SMOC1: variants seen among roughly 807,000 people sequenced by gnomAD.
The protein encoded by SMOC1 is SPARC-related modular calcium-binding protein 1.
In SMOC1, 22 loss-of-function variants were observed where a neutral mutation model predicts 56.3. The ratio of observed to expected loss-of-function variants is 0.39; its 90% confidence interval spans 0.28 to 0.56. The LOEUF (loss-of-function observed/expected upper bound fraction) is 0.56. Ranked by LOEUF, SMOC1 falls within the 20% of genes least tolerant of loss-of-function variation. SMOC1 has a pLI of 0.61. For missense variants in SMOC1, 509 were observed against 565.4 expected, an observed-to-expected ratio of 0.90 and a Z score of 1.01; for synonymous variants, 193 against 215.0, an observed-to-expected ratio of 0.90 and a Z score of 0.89.
At chr14:69,967,104 T>G (rs1252387992) in intron 3 of SMOC1, among the ~76,000 whole-genome samples, 1 of 152,178 alleles carries the variant, frequency 6.6e-6, no homozygotes, top group South Asian at 2.1e-4. Context: ...CACTCCTAAC[T>G]AATGCCATGT....
chr14:69,917,903 G>A (rs974009415), intron 1 of SMOC1, among the ~76,000 whole-genome samples: 1 of 151,996 alleles, frequency 6.6e-6, no homozygotes, highest in Non-Finnish European at 1.5e-5. Flanking sequence ...AGGCAGAATG[G>A]GAGGCAACAC....
intron 3 of SMOC1, among the ~76,000 whole-genome samples, chr14:69,967,376 C>T (rs1249408026): frequency 6.6e-6 from 1 of 152,254 alleles, no homozygotes; most frequent in Non-Finnish European, 1.5e-5. Flanking sequence ...TAAGCTTGCC[C>T]ATCCCATGGC....
chr14:69,882,021 G>A (rs1460470965), intron 1 of SMOC1, among the ~76,000 whole-genome samples: 1 of 152,210 alleles, frequency 6.6e-6, no homozygotes, highest in Non-Finnish European at 1.5e-5. Context: ...TAAAGAAAGA[G>A]ATGGCTCGAT....
intron 6 of SMOC1, among the ~76,000 whole-genome samples, chr14:69,992,898 A>T (rs1306592344): frequency 6.6e-6 from 1 of 152,156 alleles, no homozygotes; most frequent in East Asian, 1.9e-4. Context: ...TTGGAGATGT[A>T]AACCTTTGCT....
At chr14:69,889,788 C>T (rs1326305683) in intron 1 of SMOC1, among the ~76,000 whole-genome samples, 3 of 152,146 alleles carry the variant, frequency 2.0e-5, no homozygotes, top group African/African-American at 7.2e-5. Flanking sequence ...CTTGCCTTTT[C>T]CAGCCTCTAG....
At chr14:69,895,457 T>C (rs1884069927) in intron 1 of SMOC1, among the ~76,000 whole-genome samples, 2 of 152,212 alleles carry the variant, frequency 1.3e-5, no homozygotes, top group African/African-American at 4.8e-5. Context: ...TCTGCAGCAG[T>C]GAGAGCATGT....
At chr14:69,962,679 C>T (rs547501378) in intron 3 of SMOC1, among the ~76,000 whole-genome samples, 5 of 152,108 alleles carry the variant, frequency 3.3e-5, no homozygotes, top group South Asian at 2.1e-4. Flanking sequence ...TGGGCTCAAG[C>T]GATCCTCCCA....
chr14:69,914,306 A>G (rs1052635469), intron 1 of SMOC1, among the ~76,000 whole-genome samples: 9 of 152,232 alleles, frequency 5.9e-5, no homozygotes, highest in East Asian at 3.8e-4. Context: ...CTCTGCCACT[A>G]TAGTGCAAAA....
chr14:69,935,994 T>C (rs1054862102), intron 1 of SMOC1, among the ~76,000 whole-genome samples: 5 of 152,202 alleles, frequency 3.3e-5, no homozygotes, highest in Non-Finnish European at 7.3e-5. Context: ...CAGGGGAGTT[T>C]TGTCCTAAGG....
intron 10 of SMOC1, among the ~76,000 whole-genome samples, chr14:70,018,165 CAG>C (rs1885585859): frequency 6.6e-6 from 1 of 151,986 alleles, no homozygotes; most frequent in Non-Finnish European, 1.5e-5. Flanking sequence ...GGCATTTTTG[CAG>C]AGTCATCCTG....
chr14:69,879,583 G>A lies in SMOC1; in HGVS notation c.-96G>A, dbSNP rs1045422719. 1.0e-5 allele frequency: 10 copies of A among 990,252 alleles called. No homozygotes were observed. The highest frequency in any genetic ancestry group is 1.3e-5 in the Non-Finnish European group (10 of 743,178). 61.3% of individuals were successfully genotyped at this position (990,252 alleles called of 1,614,324 possible). A position where few individuals can be genotyped will look rare whatever the true frequency, so the allele number is the denominator to read the frequency against. On this transcript the variant is annotated 5_prime_UTR_variant, in exon 1 of 12. Transcript: ENST00000361956. ...ACCACGGCCCGCTCCCCGCCGCCGC[G>A]AGGGCCCCGAGCGAAGGAAGGAAGG...
chr14:69,921,060 C>T (rs1884827048), intron 1 of SMOC1, among the ~76,000 whole-genome samples: 1 of 152,164 alleles, frequency 6.6e-6, no homozygotes, highest in Non-Finnish European at 1.5e-5. Context: ...GCCCATGGTC[C>T]TCCTGGGTGT....
At chr14:69,995,783 A>G (rs1884741609) in intron 7 of SMOC1, among the ~76,000 whole-genome samples, 4 of 152,238 alleles carry the variant, frequency 2.6e-5, no homozygotes, top group Admixed American at 2.0e-4. Context: ...TATTATTGGT[A>G]TGAATAACGG....
At chr14:70,008,398 C>T (rs562056576) in intron 7 of SMOC1, among the ~76,000 whole-genome samples, 1 of 152,300 alleles carries the variant, frequency 6.6e-6, no homozygotes, top group South Asian at 2.1e-4. Context: ...CTCAGCCTTT[C>T]CAAATGCTGG....
chr14:69,948,652 G>T (rs968935736), intron 1 of SMOC1, among the ~76,000 whole-genome samples: 3 of 152,180 alleles, frequency 2.0e-5, no homozygotes, highest in Admixed American at 1.3e-4. Flanking sequence ...GGTTTGAAAA[G>T]AAACTTTGTC....
intron 1 of SMOC1, chr14:69,885,741 G>A: frequency 6.8e-7 from 1 of 1,471,464 alleles, no homozygotes; most frequent in Non-Finnish European, 9.5e-7. Flanking sequence ...CGAAGGACAG[G>A]TGGTCTCTTC....
chr14:69,913,471 T>C (rs371541292), intron 1 of SMOC1, among the ~76,000 whole-genome samples: 6 of 152,062 alleles, frequency 3.9e-5, no homozygotes, highest in African/African-American at 7.2e-5. Context: ...TGTGTGTGTG[T>C]GCGTGTGTGT....
chr14:70,026,152 A>C (rs1171816344), intron 11 of SMOC1, among the ~76,000 whole-genome samples: 8 of 152,370 alleles, frequency 5.3e-5, no homozygotes, highest in African/African-American at 1.9e-4. Context: ...TTCCGGTGAC[A>C]TTATGCTCTG....
chr14:69,913,665 C>A (rs1884613827), intron 1 of SMOC1, among the ~76,000 whole-genome samples: 1 of 152,164 alleles, frequency 6.6e-6, no homozygotes, highest in Non-Finnish European at 1.5e-5. Context: ...ATGAAACAGC[C>A]TGGGCACAGT....
Sources: allele counts gnomAD v4.1 joint callset (sites outside exome capture counted in the v4.1 genomes callset), GRCh38; gene constraint gnomAD v4.1.1; transcripts MANE v1.5; gene names NCBI Gene and HGNC (gene_info 2026-07-23, HGNC 2026-07-21).